PTPN18: variants seen among roughly 807,000 people sequenced by gnomAD.
The protein encoded by PTPN18 is tyrosine-protein phosphatase non-receptor type 18.
PTPN18 carries 65 observed loss-of-function variants against 65.4 expected under a neutral mutation model. The ratio of observed to expected loss-of-function variants is 0.99; its 90% CI spans 0.81 to 1.22. PTPN18 has a LOEUF of 1.22. Among genes scored for constraint, PTPN18 ranks in the 50% most tolerant of loss-of-function variants. The pLI is 0.00. For missense variants in PTPN18, 616 were observed against 646.5 expected, an observed-to-expected ratio of 0.95 and a Z score of 0.51; for synonymous variants, 255 against 267.8, an observed-to-expected ratio of 0.95 and a Z score of 0.47.
At position 130,371,255 on chromosome 2, in the gene PTPN18, C is replaced by T. The variant is rs775176701; in HGVS notation, c.981C>T (p.Leu327=). 8.7e-6 allele frequency: 14 copies of T among 1,608,332 alleles called. No homozygotes were observed. In the South Asian group the frequency reaches 1.5e-4, roughly 18 times the overall value. Residue 327 remains leucine, a synonymous_variant, in exon 12 of 15, where the codon CTC becomes CTT. Transcript: ENST00000175756. Reference sequence around the variant, plus strand: ...TCCTCCGGACTCCCCAGGCACTTCTCGCCATACCCCGCCCACCAGGAGGGG... The same window carrying T: ...TCCTCCGGACTCCCCAGGCACTTCTTGCCATACCCCGCCCACCAGGAGGGG... ...ALFLRTPQAL[L]AIPRPPGGVL...
At position 130,373,252 on chromosome 2, in the gene PTPN18, T is replaced by C; in HGVS notation, c.*28T>C. ...CTAACGCCAGTTCCTGCCTGTTGCC[T>C]CTTGTGAGCTCGGACTGCTGATGCC... On this transcript the variant is annotated 3_prime_UTR_variant, in exon 15 of 15. Transcript: ENST00000175756. This position sits in a 1 kb window ranked among gnomAD's most constrained non-coding sequence, Gnocchi z 4.1. The C allele has an allele frequency of 2.6e-6, 4 of 1,545,846 alleles. No homozygotes were observed. In the South Asian group the frequency reaches 4.9e-5, roughly 19 times the overall value.
chr2:130,359,746 T>G, intron 5 of PTPN18, 100 bp downstream of exon 5: 2 of 1,376,218 alleles, frequency 1.5e-6, no homozygotes, highest in Non-Finnish European at 2.1e-6. Flanking sequence ...GTCCAGCTCT[T>G]GGAGTGACCT....
At chr2:130,371,392 C>A in intron 12 of PTPN18, 105 bp downstream of exon 12, 1 of 988,280 alleles carries the variant, frequency 1.0e-6, no homozygotes, top group Non-Finnish European at 1.5e-6. Flanking sequence ...GCCAAGTGTT[C>A]GCTGGCCCTT....
In PTPN18 at chr2:130,373,125, C is replaced by A; in HGVS notation, c.1316-32C>A. Reference sequence around the variant, plus strand: ...CCAGCTTCCACACACCTCAGCTTCTCCATGAGACCCACGGCACCCTTCTTC... The same window carrying A: ...CCAGCTTCCACACACCTCAGCTTCTACATGAGACCCACGGCACCCTTCTTC... On this transcript the variant is annotated intron_variant, in intron 14 of 14. Coordinates refer to ENST00000175756, the MANE Select transcript of PTPN18 (RefSeq NM_014369.4). The surrounding 1 kb of genome is among the most constrained non-coding windows in gnomAD (Gnocchi z 4.1). The A allele has an allele frequency of 6.4e-7, 1 of 1,556,670 alleles. No individual in the cohort carries two copies. Among genetic ancestry groups the A allele is most frequent in the Non-Finnish European group, 8.7e-7 (1 of 1,149,118 alleles).
intron 5 of PTPN18, among the ~76,000 whole-genome samples, chr2:130,363,553 C>T (rs534678363): frequency 6.6e-6 from 1 of 152,220 alleles, no homozygotes; most frequent in Non-Finnish European, 1.5e-5. Context: ...TGCCTTTATA[C>T]ATTTGCTTAC....
chr2:130,362,807 G>GATTTTT (rs1318702319), intron 5 of PTPN18, among the ~76,000 whole-genome samples: 5 of 151,854 alleles, frequency 3.3e-5, no homozygotes, highest in Admixed American at 1.3e-4. Flanking sequence ...ACCACAGTAA[G>GATTTTT]ATTTTTGTTT....
At chr2:130,358,562 G>A (rs1680068495) in intron 1 of PTPN18, among the ~76,000 whole-genome samples, 2 of 152,100 alleles carry the variant, frequency 1.3e-5, no homozygotes, top group Non-Finnish European at 2.9e-5. Context: ...CCTTCCACAA[G>A]TCGCTGAACC....
chr2:130,359,677 C>T lies in PTPN18; in HGVS notation c.414+31C>T, dbSNP rs765735398. On this transcript the variant is annotated intron_variant, in intron 5 of 14. Coordinates refer to ENST00000175756, the MANE Select transcript of PTPN18 (RefSeq NM_014369.4). ...TGCCCTCTGCCCCCAGGTTTCATGTCCTTGTGGGAGGAGGGAGGAGGGATC... is the reference window on the plus strand; with the variant it reads ...TGCCCTCTGCCCCCAGGTTTCATGTTCTTGTGGGAGGAGGGAGGAGGGATC... The T allele has an allele frequency of 1.9e-6, 3 of 1,609,224 alleles. No homozygotes were observed. In the South Asian group the frequency reaches 3.3e-5, roughly 18 times the overall value.
intron 7 of PTPN18, 47 bp downstream of exon 7, chr2:130,369,874 G>A (rs772627904): frequency 9.7e-6 from 15 of 1,548,974 alleles, no homozygotes; most frequent in East Asian, 2.2e-5. Flanking sequence ...TGAAAGGGGA[G>A]AGGTTTCCTC....
intron 5 of PTPN18, chr2:130,360,067 C>T (rs1178342253): frequency 5.3e-6 from 1 of 190,424 alleles, no homozygotes; most frequent in Non-Finnish European, 1.1e-5. Context: ...GCTCTATCAC[C>T]TCCTTCAGGT....
At chr2:130,356,257 C>A in intron 1 of PTPN18, 57 bp downstream of exon 1, 1 of 1,205,732 alleles carries the variant, frequency 8.3e-7, no homozygotes, top group Non-Finnish European at 1.1e-6. Flanking sequence ...CTGCGTACGC[C>A]TGTCCTCCGC....
intron 5 of PTPN18, 78 bp downstream of exon 5, chr2:130,359,724 C>T: frequency 3.3e-6 from 5 of 1,521,834 alleles, no homozygotes; most frequent in Non-Finnish European, 3.6e-6. Flanking sequence ...TCCTTGACCC[C>T]AGGACCCGAG....
At position 130,370,924 on chromosome 2, in the gene PTPN18, C is replaced by T. The variant is rs1680541045; in HGVS notation, c.884C>T (p.Thr295Ile). 1 of 1,614,174 alleles carries T rather than the reference C, an allele frequency of 6.2e-7. No individual in the cohort carries two copies. The highest frequency in any genetic ancestry group is 1.3e-5 in the African/African-American group (1 of 75,028). ...YHTVAQMFCS[T>I]LQNASPHYQN... is the part of the protein sequence containing the mutation. ...ACGGTGGCTCAGATGTTCTGCTCCACACTCCAGAATGCCAGCCCCCACTAC... is the reference window on the plus strand; with the variant it reads ...ACGGTGGCTCAGATGTTCTGCTCCATACTCCAGAATGCCAGCCCCCACTAC... Residue 295 changes from threonine to isoleucine, a missense_variant, in exon 11 of 15, where the codon ACA becomes ATA. Coordinates refer to ENST00000175756, the MANE Select transcript of PTPN18 (RefSeq NM_014369.4).
chr2:130,359,018 C>G (rs772979300), intron 2 of PTPN18, 43 bp downstream of exon 2: 1 of 1,590,440 alleles, frequency 6.3e-7, no homozygotes, highest in South Asian at 1.1e-5. Context: ...GCCTTGCACG[C>G]CCTGCCACGT....
chr2:130,373,493 G>T lies in PTPN18; in HGVS notation c.*269G>T. 1 of 345,592 alleles carries T rather than the reference G, an allele frequency of 2.9e-6. No individual in the cohort carries two copies. The highest frequency in any genetic ancestry group is 5.3e-6 in the Non-Finnish European group (1 of 190,380). 21.4% of individuals were successfully genotyped at this position (345,592 alleles called of 1,614,324 possible). A position where few individuals can be genotyped will look rare whatever the true frequency, so the allele number is the denominator to read the frequency against. ...AGGGGCATGACCCCTGAGTTATGAAGGGGAGAAGGGACAGATGAGCTTCCG... is the reference window on the plus strand; with the variant it reads ...AGGGGCATGACCCCTGAGTTATGAATGGGAGAAGGGACAGATGAGCTTCCG... On this transcript the variant is annotated 3_prime_UTR_variant, in exon 15 of 15. Transcript: ENST00000175756. This position sits in a 1 kb window ranked among gnomAD's most constrained non-coding sequence, Gnocchi z 4.1.
chr2:130,356,596 A>T, intron 1 of PTPN18: 1 of 478,678 alleles, frequency 2.1e-6, no homozygotes, highest in Non-Finnish European at 4.3e-6. Flanking sequence ...CCCTGTGACC[A>T]CAGGAAGGAA....
intron 5 of PTPN18, among the ~76,000 whole-genome samples, chr2:130,366,383 A>G (rs2104942358): frequency 6.6e-6 from 1 of 152,304 alleles, no homozygotes; most frequent in South Asian, 2.1e-4. Context: ...CTTTGCATCT[A>G]TTCAGATGAT....
intron 1 of PTPN18, among the ~76,000 whole-genome samples, chr2:130,357,241 C>T (rs993543442): frequency 3.3e-5 from 5 of 152,096 alleles, no homozygotes; most frequent in Non-Finnish European, 7.4e-5. Flanking sequence ...AAAATCTAAA[C>T]GTTACAATAC....
chr2:130,360,185 T>G (rs768923013), intron 5 of PTPN18, among the ~76,000 whole-genome samples: 4 of 152,238 alleles, frequency 2.6e-5, no homozygotes, highest in African/African-American at 4.8e-5. Context: ...TTTTCCTTCT[T>G]TCTTCACAGT....
Sources: gnomAD v4.1 joint callset for allele counts (sites outside exome capture counted in the v4.1 genomes callset) on GRCh38, gnomAD v4.1.1 for gene constraint, Gnocchi (gnomAD v3.1) non-coding constraint, MANE v1.5 for transcripts, NCBI Gene and HGNC (gene_info 2026-07-23, HGNC 2026-07-21) for gene names.